SLC25A33: variants seen among roughly 807,000 people sequenced by gnomAD.
SLC25A33 encodes the protein solute carrier family 25 member 33, also known as bone marrow stromal cell mitochondrial carrier protein.
SLC25A33 carries 15 observed loss-of-function variants against 35.5 expected under a neutral mutation model. The observed-to-expected ratio is 0.42, with a 90% CI of 0.28 to 0.65. The LOEUF (loss-of-function observed/expected upper bound fraction) is 0.65. Among genes scored for constraint, SLC25A33 ranks in the 30% least tolerant of loss-of-function variants. SLC25A33 has a pLI of 0.20. For synonymous variants in SLC25A33, 136 were observed against 148.7 expected (o/e 0.91, Z 0.62); for missense variants, 257 against 398.5 (o/e 0.64, Z 3.02).
chr1:9,567,849 G>A (rs1643533727), intron 3 of SLC25A33, among the ~76,000 whole-genome samples: 1 of 152,184 alleles, frequency 6.6e-6, no homozygotes, highest in African/African-American at 2.4e-5. Context: ...GGCTTCTCCT[G>A]AAAGCCTGTT....
At chr1:9,559,912 C>T (rs115911164) in intron 2 of SLC25A33, among the ~76,000 whole-genome samples, 3,851 of 152,172 alleles carry the variant, frequency 0.025, 130 homozygotes, top group African/African-American at 0.074. Flanking sequence ...CTACAAAGCC[C>T]GTGTTAGTTT....
intron 1 of SLC25A33, among the ~76,000 whole-genome samples, chr1:9,540,502 A>G (rs1569834350): frequency 6.6e-6 from 1 of 151,834 alleles, no homozygotes; most frequent in South Asian, 2.1e-4. Flanking sequence ...AGGAAGGGAG[A>G]TGGTACCCCT....
intron 1 of SLC25A33, among the ~76,000 whole-genome samples, chr1:9,552,286 G>C (rs1211141287): frequency 6.6e-6 from 1 of 152,098 alleles, no homozygotes. Flanking sequence ...CACAATCTTG[G>C]CTCACTGCAA....
intron 1 of SLC25A33, among the ~76,000 whole-genome samples, chr1:9,542,576 C>A (rs1270598077): frequency 6.6e-6 from 1 of 152,048 alleles, no homozygotes; most frequent in East Asian, 1.9e-4. Flanking sequence ...CCCAGAGGTC[C>A]CACCTAGTCC....
intron 1 of SLC25A33, among the ~76,000 whole-genome samples, chr1:9,549,889 C>CT (rs1221404240): frequency 6.8e-6 from 1 of 146,880 alleles, no homozygotes; most frequent in Admixed American, 6.9e-5. Flanking sequence ...TCCCAGAGTG[C>CT]TGGGATTACA....
intron 2 of SLC25A33, among the ~76,000 whole-genome samples, chr1:9,564,746 A>G: frequency 8.6e-6 from 1 of 116,202 alleles, no homozygotes; most frequent in African/African-American, 3.8e-5. Flanking sequence ...AAAAATATAT[A>G]TATATATATA....
At chr1:9,569,819 G>A (rs960976209) in intron 3 of SLC25A33, among the ~76,000 whole-genome samples, 1 of 151,994 alleles carries the variant, frequency 6.6e-6, no homozygotes, top group African/African-American at 2.4e-5. Flanking sequence ...TATGATGGCT[G>A]TTCCTGTGTG....
chr1:9,544,766 C>G (rs996317934), intron 1 of SLC25A33, among the ~76,000 whole-genome samples: 2 of 152,240 alleles, frequency 1.3e-5, no homozygotes, highest in Middle Eastern at 3.4e-3. Context: ...AGCAGTTTAC[C>G]ATCAGTGGGG....
At chr1:9,580,509 A>T (rs182692923) in intron 6 of SLC25A33, among the ~76,000 whole-genome samples, 3 of 152,216 alleles carry the variant, frequency 2.0e-5, no homozygotes, top group African/African-American at 4.8e-5. Flanking sequence ...GGAAGCTAAA[A>T]ATCTGGATTG....
At position 9,548,306 on chromosome 1, in the gene SLC25A33, G is replaced by A. The variant is rs183373081; in HGVS notation, c.57-5320G>A. ...ACAAAATAGAAATTAAATGGGCTGG[G>A]CGCGGTGGCTCACGCCTATAATCCC... On this transcript the variant is annotated intron_variant, in intron 1 of 6. Transcript: ENST00000302692. Among the ~76,000 whole-genome samples, 45 of 152,344 alleles carry A rather than the reference G, an allele frequency of 3.0e-4. No homozygotes were observed. In the East Asian group the frequency reaches 8.3e-3, roughly 28 times the overall value.
chr1:9,539,948 CTGA>C lies in SLC25A33; in HGVS notation c.56+202_56+204del, dbSNP rs2100361324. Reference sequence around the variant, plus strand: ...GTCGGGCCTTCCTCACCCCTACGTCCTGACCGCAGCCCCGAGGGCGGCTGTGCC... The same window carrying C: ...GTCGGGCCTTCCTCACCCCTACGTCCCCGCAGCCCCGAGGGCGGCTGTGCC... On this transcript the variant is annotated intron_variant, in intron 1 of 6. Coordinates refer to ENST00000302692, the MANE Select transcript of SLC25A33 (RefSeq NM_032315.3). 1.3e-5 allele frequency among the ~76,000 whole-genome samples: 2 copies of C among 152,272 alleles called. 1 individual carries two copies. The highest frequency in any genetic ancestry group is 4.1e-4 in the South Asian group (2 of 4,826).
At chr1:9,571,495 G>A (rs190306160) in intron 4 of SLC25A33, among the ~76,000 whole-genome samples, 23 of 151,992 alleles carry the variant, frequency 1.5e-4, no homozygotes, top group Non-Finnish European at 2.5e-4. Context: ...GGGTTTCACC[G>A]TGTTAGCCAG....
chr1:9,559,090 G>A (rs1004664912), intron 2 of SLC25A33, among the ~76,000 whole-genome samples: 3 of 152,118 alleles, frequency 2.0e-5, no homozygotes, highest in Non-Finnish European at 2.9e-5. Context: ...GCTGACGTCC[G>A]CTGTCATCAC....
intron 1 of SLC25A33, among the ~76,000 whole-genome samples, chr1:9,543,581 T>A (rs968223889): frequency 6.6e-6 from 1 of 152,110 alleles, no homozygotes; most frequent in African/African-American, 2.4e-5. Context: ...AGCATGGGGG[T>A]TCTGGTTGTC....
intron 1 of SLC25A33, among the ~76,000 whole-genome samples, chr1:9,546,174 A>ATTTTT (rs746460317): frequency 9.9e-6 from 1 of 100,520 alleles, no homozygotes; most frequent in Admixed American, 1.0e-4. Context: ...ACACAGAGAA[A>ATTTTT]TTTTTTTTTT....
At chr1:9,571,012 C>G (rs534743216) in intron 4 of SLC25A33, among the ~76,000 whole-genome samples, 2 of 152,134 alleles carry the variant, frequency 1.3e-5, no homozygotes, top group South Asian at 4.1e-4. Flanking sequence ...TGCGCCCAGC[C>G]CCATCAGATG....
chr1:9,559,977 C>A (rs368655143), intron 2 of SLC25A33, among the ~76,000 whole-genome samples: 1 of 152,110 alleles, frequency 6.6e-6, no homozygotes, highest in African/African-American at 2.4e-5. Flanking sequence ...CAAGGCTGGG[C>A]GCAGTGGCTC....
rs1460786101 is a variant in SLC25A33 at position 9,583,609 on chromosome 1, A to AC, written c.*1110dup. 4 of 152,002 alleles carry AC rather than the reference A, an allele frequency of 2.6e-5. No individual in the cohort carries two copies. The highest frequency in any genetic ancestry group is 9.7e-5 in the African/African-American group (4 of 41,358). 9.4% of individuals were successfully genotyped at this position (152,002 alleles called of 1,614,324 possible). A position where few individuals can be genotyped will look rare whatever the true frequency, so the allele number is the denominator to read the frequency against. On this transcript the variant is annotated 3_prime_UTR_variant, in exon 7 of 7. Transcript: ENST00000302692. The stretch of plus-strand genomic sequence containing the variant: ...CTGAGGTCTTTAGCCCTGTTCTTGG[A>AC]CCTCTGCTCTTGCAGAAAAGGAGCA...
intron 1 of SLC25A33, among the ~76,000 whole-genome samples, chr1:9,553,424 A>G (rs986877731): frequency 2.0e-5 from 3 of 151,142 alleles, no homozygotes; most frequent in African/African-American, 7.3e-5. Flanking sequence ...TAGTAGAGAC[A>G]GGGTTTCACT....
Sources: gnomAD v4.1 joint callset for allele counts (sites outside exome capture counted in the v4.1 genomes callset) on GRCh38, gnomAD v4.1.1 for gene constraint, MANE v1.5 for transcripts, NCBI Gene and HGNC (gene_info 2026-07-23, HGNC 2026-07-21) for gene names.